Variants in ELOVL7 observed in about 807,000 individuals in gnomAD.
ELOVL7 encodes the protein ELOVL fatty acid elongase 7.
A neutral mutation model predicts 35.7 loss-of-function variants in ELOVL7; 27 were observed. The ratio of observed to expected loss-of-function variants is 0.76; its 90% CI spans 0.56 to 1.04. The LOEUF (loss-of-function observed/expected upper bound fraction) is 1.04. Ranked by LOEUF, ELOVL7 falls within the 50% of genes least tolerant of loss-of-function variation. The pLI, the probability that ELOVL7 is intolerant of heterozygous loss-of-function variation, is 0.00. For missense variants in ELOVL7, 327 were observed against 340.8 expected (o/e 0.96, Z 0.32); for synonymous variants, 113 against 114.6 (o/e 0.99, Z 0.09).
chr5:60,825,608 T>C (rs1372996649), intron 1 of ELOVL7, among the ~76,000 whole-genome samples: 1 of 152,144 alleles, frequency 6.6e-6, no homozygotes, highest in African/African-American at 2.4e-5. Flanking sequence ...CACTGAAATA[T>C]TTGTTGAATG....
At chr5:60,842,313 C>T (rs1427446250) in intron 1 of ELOVL7, among the ~76,000 whole-genome samples, 2 of 151,866 alleles carry the variant, frequency 1.3e-5, no homozygotes, top group African/African-American at 4.8e-5. Context: ...TGGCAGGACC[C>T]TTAATGGAAA....
At chr5:60,766,311 T>C (rs917151084) in intron 6 of ELOVL7, among the ~76,000 whole-genome samples, 1 of 152,218 alleles carries the variant, frequency 6.6e-6, no homozygotes, top group Non-Finnish European at 1.5e-5. Flanking sequence ...ACCATGCTTA[T>C]CATAATCAAC....
intron 3 of ELOVL7, chr5:60,784,169 A>G: frequency 6.6e-7 from 1 of 1,506,588 alleles, no homozygotes; most frequent in African/African-American, 1.4e-5. Flanking sequence ...TACTGGCTCA[A>G]AGAGTACATC....
rs147126049 is a variant in ELOVL7 at position 60,798,350 on chromosome 5, T to G, written c.-35+830A>C. ...CAAGCACAAGTGGTCAAAGACGTGA[T>G]GGGACCCTGGATATCTCAAAGGATG... On this transcript the variant is annotated intron_variant, in intron 2 of 8. Transcript: ENST00000508821. Among the ~76,000 whole-genome samples, 10 of 152,272 alleles carry G rather than the reference T, an allele frequency of 6.6e-5. No individual in the cohort carries two copies. The East Asian group carries it at 1.9e-3, about 29-fold the overall frequency.
At chr5:60,836,886 G>A (rs917656724) in intron 1 of ELOVL7, among the ~76,000 whole-genome samples, 9 of 151,854 alleles carry the variant, frequency 5.9e-5, no homozygotes, top group Admixed American at 2.0e-4. Flanking sequence ...TTGCCCTTAC[G>A]CCCTCACAAA....
intron 7 of ELOVL7, among the ~76,000 whole-genome samples, chr5:60,761,628 A>G (rs917993015): frequency 1.3e-5 from 2 of 152,282 alleles, no homozygotes; most frequent in African/African-American, 4.8e-5. Flanking sequence ...GTATTGAAAT[A>G]TACCATATGA....
chr5:60,801,513 G>A (rs1395851803), intron 1 of ELOVL7, among the ~76,000 whole-genome samples: 1 of 151,900 alleles, frequency 6.6e-6, no homozygotes, highest in Non-Finnish European at 1.5e-5. Context: ...ACCAGCATGG[G>A]CAACAAAGTG....
At chr5:60,794,553 A>G (rs1012863219) in intron 2 of ELOVL7, among the ~76,000 whole-genome samples, 1 of 152,222 alleles carries the variant, frequency 6.6e-6, no homozygotes, top group Admixed American at 6.5e-5. Flanking sequence ...ATCATGGCCA[A>G]CCATTTCCAG....
chr5:60,797,410 G>C (rs1744328287), intron 2 of ELOVL7, among the ~76,000 whole-genome samples: 1 of 152,170 alleles, frequency 6.6e-6, no homozygotes, highest in South Asian at 2.1e-4. Context: ...GGAAGTAAAA[G>C]AGAACAGCAG....
chr5:60,778,430 A>G (rs960445886), intron 3 of ELOVL7, among the ~76,000 whole-genome samples: 2 of 152,312 alleles, frequency 1.3e-5, no homozygotes, highest in East Asian at 1.9e-4. Context: ...GGTTTAATTG[A>G]CTCACAGTTC....
At chr5:60,807,992 C>CAAAAAAAAAAAAAA (rs34086506) in intron 1 of ELOVL7, among the ~76,000 whole-genome samples, 3 of 42,422 alleles carry the variant, frequency 7.1e-5, no homozygotes, top group Admixed American at 4.8e-4. Flanking sequence ...GACTCCGTCT[C>CAAAAAAAAAAAAAA]AAAAAAAAAA....
intron 7 of ELOVL7, among the ~76,000 whole-genome samples, chr5:60,760,513 G>A (rs2112134541): frequency 6.6e-6 from 1 of 152,142 alleles, no homozygotes; most frequent in Non-Finnish European, 1.5e-5. Context: ...AAATTTGTTT[G>A]AGTTCATTGT....
intron 4 of ELOVL7, among the ~76,000 whole-genome samples, chr5:60,768,435 G>A (rs1742375904): frequency 6.6e-6 from 1 of 152,174 alleles, no homozygotes; most frequent in Non-Finnish European, 1.5e-5. Flanking sequence ...GTGATGTGAG[G>A]TGGTAGTCCA....
intron 3 of ELOVL7, among the ~76,000 whole-genome samples, chr5:60,778,204 C>T (rs1044066794): frequency 4.6e-5 from 7 of 152,128 alleles, no homozygotes; most frequent in Non-Finnish European, 7.4e-5. Flanking sequence ...ACAAGGAAGG[C>T]TTGCTATGGG....
Position 60,795,924 on chromosome 5 carries a change from C to A in ELOVL7, c.-35+3256G>T, listed in dbSNP as rs1248031688. Among the ~76,000 whole-genome samples, 4 of 152,098 alleles carry A rather than the reference C, an allele frequency of 2.6e-5. 1 individual carries two copies. The highest frequency in any genetic ancestry group is 2.6e-4 in the Admixed American group (4 of 15,286). On this transcript the variant is annotated intron_variant, in intron 2 of 8. Transcript: ENST00000508821. ...AGGCCAAGAACCCCAGGTCAGAGAA[C>A]AAAAGGCTTGCCGCCATCTTGGGAG...
intron 7 of ELOVL7, among the ~76,000 whole-genome samples, chr5:60,762,534 GA>G (rs999763848): frequency 6.6e-6 from 1 of 151,938 alleles, no homozygotes; most frequent in South Asian, 2.1e-4. Context: ...TAAAGAGGGA[GA>G]AAAAAACCAC....
chr5:60,800,363 T>C (rs918935411), intron 1 of ELOVL7, among the ~76,000 whole-genome samples: 3 of 152,132 alleles, frequency 2.0e-5, no homozygotes, highest in African/African-American at 7.2e-5. Flanking sequence ...ACCACATTAA[T>C]AAAATGGAAG....
intron 2 of ELOVL7, among the ~76,000 whole-genome samples, chr5:60,796,609 A>G (rs558209768): frequency 4.7e-4 from 72 of 152,370 alleles, no homozygotes; most frequent in African/African-American, 1.7e-3. Context: ...CATTCAAATA[A>G]AAGTTTGCTT....
intron 1 of ELOVL7, among the ~76,000 whole-genome samples, chr5:60,840,306 A>G (rs575372362): frequency 6.6e-6 from 1 of 152,262 alleles, no homozygotes; most frequent in Non-Finnish European, 1.5e-5. Flanking sequence ...CCTAAATCCA[A>G]TATGACTGGT....
Sources: gnomAD v4.1 joint callset for allele counts (sites outside exome capture counted in the v4.1 genomes callset) on GRCh38, gnomAD v4.1.1 for gene constraint, MANE v1.5 for transcripts, NCBI Gene and HGNC (gene_info 2026-07-23, HGNC 2026-07-21) for gene names.